FAM204A: variants seen among roughly 807,000 people sequenced by gnomAD.
FAM204A encodes family with sequence similarity 204 member A.
A neutral mutation model predicts 35.4 loss-of-function variants in FAM204A; 16 were observed. The observed-to-expected ratio is 0.45, with a 90% confidence interval of 0.31 to 0.69. FAM204A has a LOEUF of 0.69. Among genes scored for constraint, FAM204A ranks in the 30% least tolerant of loss-of-function variants. FAM204A has a pLI of 0.07. For missense variants in FAM204A, 240 were observed against 265.7 expected, an observed-to-expected ratio of 0.90 and a Z score of 0.67; for synonymous variants, 76 against 86.9, an observed-to-expected ratio of 0.88 and a Z score of 0.70.
chr10:118,300,565 A>C lies in FAM204A; in HGVS notation c.*10292T>G, dbSNP rs1324590250. ...TGCTAGGACTATTATGCACATTAAT[A>C]AAATCATCAAAAACCACATAAACTT... On this transcript the variant is annotated 3_prime_UTR_variant, in exon 9 of 9. Coordinates refer to ENST00000369183, the MANE Select transcript of FAM204A (RefSeq NM_022063.3). 1 of 152,202 alleles carries C rather than the reference A, an allele frequency of 6.6e-6. No individual in the cohort carries two copies. The highest frequency in any genetic ancestry group is 1.5e-5 in the Non-Finnish European group (1 of 68,044). 9.4% of individuals were successfully genotyped at this position (152,202 alleles called of 1,614,324 possible).
In FAM204A at chr10:118,306,171, C is replaced by T. The variant is rs1469002736; in HGVS notation, c.*4686G>A. 2.0e-5 allele frequency: 3 copies of T among 152,304 alleles called. No homozygotes were observed. The highest frequency in any genetic ancestry group is 2.0e-4 in the Admixed American group (3 of 15,282). 9.4% of individuals were successfully genotyped at this position (152,304 alleles called of 1,614,324 possible). A position where few individuals can be genotyped will look rare whatever the true frequency, so the allele number is the denominator to read the frequency against. On this transcript the variant is annotated 3_prime_UTR_variant, in exon 9 of 9. Transcript: ENST00000369183. ...TGGAAAAGGATTACCTCATTCCATA[C>T]CTGTCACATAGCAGGCCCCCTGCAG...
rs916140467 is a variant in FAM204A, at chr10:118,307,688, CTTCA to C, written c.*3165_*3168del. ...AATTTGGACATTTTATAAATTATAT[CTTCA>C]TTTTTTGTGAATTAAATTCAAACTT... On this transcript the variant is annotated 3_prime_UTR_variant, in exon 9 of 9. Coordinates refer to ENST00000369183, the MANE Select transcript of FAM204A (RefSeq NM_022063.3). The C allele has an allele frequency of 2.6e-5, 4 of 152,106 alleles. No individual in the cohort carries two copies. Among genetic ancestry groups the C allele is most frequent in the African/African-American group, 9.7e-5 (4 of 41,426 alleles). The allele number at this position is 152,106 out of a possible 1,614,324, so 9.4% of individuals were successfully genotyped here. A position where few individuals can be genotyped will look rare whatever the true frequency, so the allele number is the denominator to read the frequency against.
intron 7 of FAM204A, chr10:118,322,541 G>A: frequency 4.2e-6 from 1 of 238,902 alleles, no homozygotes; most frequent in South Asian, 4.7e-5. Context: ...GAAAAACTGA[G>A]GAACCATTCC....
rs552969563 is a variant in FAM204A, at chr10:118,336,154, T to A, written c.234+28A>T. ...GAGGCATGTGCACACACACAGGCTG[T>A]AGCAAGAGCATTTCAGAGAAAACCT... On this transcript the variant is annotated intron_variant, in intron 3 of 8. Coordinates refer to ENST00000369183, the MANE Select transcript of FAM204A (RefSeq NM_022063.3). 302 of 1,603,014 alleles carry A rather than the reference T, an allele frequency of 1.9e-4. 3 individuals carry two copies. The South Asian group carries it at 3.2e-3, about 17-fold the overall frequency.
At chr10:118,330,014 G>A (rs977810284) in intron 6 of FAM204A, among the ~76,000 whole-genome samples, 2 of 152,032 alleles carry the variant, frequency 1.3e-5, no homozygotes, top group Non-Finnish European at 2.9e-5. Context: ...CATTCCTCAA[G>A]GGCATGGAGA....
At chr10:118,325,743 C>T (rs1006802606) in intron 7 of FAM204A, among the ~76,000 whole-genome samples, 1 of 152,064 alleles carries the variant, frequency 6.6e-6, no homozygotes, top group Admixed American at 6.6e-5. Context: ...ATGTGCTGAG[C>T]AAACAGTAAG....
rs780522725 is a variant in FAM204A, at chr10:118,307,099, C to G, written c.*3758G>C. 1 of 152,158 alleles carries G rather than the reference C, an allele frequency of 6.6e-6. No homozygotes were observed. The highest frequency in any genetic ancestry group is 2.4e-5 in the African/African-American group (1 of 41,418). 9.4% of individuals were successfully genotyped at this position (152,158 alleles called of 1,614,324 possible). ...CTACTTTCTAGCATAAAGTCACCCA[C>G]TAATTTAAATTTGAAAACCTAGATA... is the stretch of plus-strand genomic sequence containing the variant. On this transcript the variant is annotated 3_prime_UTR_variant, in exon 9 of 9. Coordinates refer to ENST00000369183, the MANE Select transcript of FAM204A (RefSeq NM_022063.3).
chr10:118,314,768 A>C (rs1846005699), intron 7 of FAM204A, among the ~76,000 whole-genome samples: 1 of 152,154 alleles, frequency 6.6e-6, no homozygotes, highest in African/African-American at 2.4e-5. Context: ...TATATACAAA[A>C]TTTCTTGTAT....
chr10:118,316,102 A>G (rs1846025475), intron 7 of FAM204A, among the ~76,000 whole-genome samples: 1 of 152,188 alleles, frequency 6.6e-6, no homozygotes, highest in African/African-American at 2.4e-5. Context: ...AAAAACAAGC[A>G]AAGAAATAGC....
At chr10:118,339,425 G>A (rs1330306535) in intron 2 of FAM204A, among the ~76,000 whole-genome samples, 4 of 152,196 alleles carry the variant, frequency 2.6e-5, no homozygotes, top group Non-Finnish European at 4.4e-5. Flanking sequence ...TGTGGAGAAT[G>A]ATTCTCTATA....
chr10:118,321,241 AG>A (rs1208235339), intron 7 of FAM204A, among the ~76,000 whole-genome samples: 1 of 152,072 alleles, frequency 6.6e-6, no homozygotes, highest in Non-Finnish European at 1.5e-5. Flanking sequence ...ACTCACACTT[AG>A]TTCTCAAAAT....
chr10:118,332,938 A>G (rs1298065935), intron 6 of FAM204A, among the ~76,000 whole-genome samples: 1 of 152,234 alleles, frequency 6.6e-6, no homozygotes, highest in Non-Finnish European at 1.5e-5. Context: ...ATTCCCACAG[A>G]TTCAAAATAA....
chr10:118,327,503 C>A (rs1212398086), intron 6 of FAM204A, among the ~76,000 whole-genome samples: 1 of 152,154 alleles, frequency 6.6e-6, no homozygotes, highest in Non-Finnish European at 1.5e-5. Context: ...TAGTCTTTGA[C>A]CTGAGGCCAT....
Position 118,335,555 on chromosome 10 carries a change from T to C in FAM204A, c.321A>G (p.Lys107=), listed in dbSNP as rs1302435174. ...ACAACCTGAGTTAAAACAAAACACC[T>C]TTTCTGGAGCGTTTTCTTCTTTTCC... ...FRGKRRKRSR[K]DKLKNEKELH... is the part of the protein sequence containing the mutation. The change falls in exon 4 of 9, where the codon AAA becomes AAG. Residue 107 remains lysine (K), a splice_region_variant and synonymous_variant. Coordinates refer to ENST00000369183, the MANE Select transcript of FAM204A (RefSeq NM_022063.3). 1.9e-6 allele frequency: 3 copies of C among 1,610,760 alleles called. No homozygotes were observed. Among genetic ancestry groups the C allele is most frequent in the African/African-American group, 2.7e-5 (2 of 74,748 alleles).
At chr10:118,312,911 G>T (rs571585696) in intron 7 of FAM204A, among the ~76,000 whole-genome samples, 11 of 152,302 alleles carry the variant, frequency 7.2e-5, no homozygotes, top group Admixed American at 7.2e-4. Context: ...CTGGGGAGGA[G>T]TTGGCAGTTA....
intron 6 of FAM204A, 42 bp from the exon 7 acceptor site, chr10:118,326,285 G>A (rs757200247): frequency 6.6e-7 from 1 of 1,515,802 alleles, no homozygotes; most frequent in Non-Finnish European, 9.1e-7. Flanking sequence ...TGGAAGGAAA[G>A]CAAACATTTG....
chr10:118,336,464 T>C (rs772992848), intron 2 of FAM204A, 41 bp from the exon 3 acceptor site: 7 of 1,513,434 alleles, frequency 4.6e-6, no homozygotes, highest in African/African-American at 2.8e-5. Context: ...AGAATAACCA[T>C]AGAAATAATT....
rs375940724 is a variant in FAM204A, at chr10:118,318,926, CT to C, written c.543+7227del. 5.5e-3 allele frequency among the ~76,000 whole-genome samples: 767 copies of C among 140,614 alleles called. 4 individuals carry two copies. The highest frequency in any genetic ancestry group is 7.5e-3 in the Middle Eastern group (2 of 266). 92.2% of individuals were successfully genotyped at this position (140,614 alleles called of 152,430 possible). The stretch of plus-strand genomic sequence containing the variant: ...TCAAAATTGTATTATTTGGGAAGGG[CT>C]TTTTTTTTTTTTCCCAGGGGGAGGG... On this transcript the variant is annotated intron_variant, in intron 7 of 8. Transcript: ENST00000369183.
chr10:118,315,000 A>G (rs1282533369), intron 7 of FAM204A, among the ~76,000 whole-genome samples: 3 of 152,144 alleles, frequency 2.0e-5, no homozygotes, highest in Admixed American at 6.6e-5. Context: ...TTTCAAAAAG[A>G]TTAATGGTAC....
Sources: allele counts gnomAD v4.1 joint callset (sites outside exome capture counted in the v4.1 genomes callset), GRCh38; gene constraint gnomAD v4.1.1; transcripts MANE v1.5; gene names NCBI Gene and HGNC (gene_info 2026-07-23, HGNC 2026-07-21).